NRXN1: variants seen among roughly 807,000 people sequenced by gnomAD.
NRXN1 encodes the protein neurexin-1.
Under a neutral mutation model 150.9 loss-of-function variants are expected in NRXN1, and 39 were observed. That is an observed-to-expected ratio of 0.26 (90% CI 0.20 to 0.34). The LOEUF (loss-of-function observed/expected upper bound fraction) is 0.34. Ranked by LOEUF, NRXN1 falls within the 10% of genes least tolerant of loss-of-function variation. The pLI, the probability that NRXN1 is intolerant of heterozygous loss-of-function variation, is 1.00. For synonymous variants in NRXN1, 924 were observed against 757.0 expected, an observed-to-expected ratio of 1.22 and a Z score of -3.62; for missense variants, 1,815 against 1,949.9, an observed-to-expected ratio of 0.93 and a Z score of 1.30.
chr2:50,129,108 T>C (rs936520891), intron 18 of NRXN1, among the ~76,000 whole-genome samples: 2 of 152,188 alleles, frequency 1.3e-5, no homozygotes, highest in Non-Finnish European at 2.9e-5. Flanking sequence ...TGCTGATCTC[T>C]TAGCTGATGC....
rs568985810 is a variant in NRXN1 at position 50,110,172 on chromosome 2, G to A, written c.3547-18678C>T. Among the ~76,000 whole-genome samples the A allele has an allele frequency of 5.3e-4, 81 of 152,192 alleles. 3 individuals carry two copies. Among genetic ancestry groups the A allele is most frequent in the African/African-American group, 1.9e-3 (77 of 41,524 alleles). On this transcript the variant is annotated intron_variant, in intron 18 of 22. Coordinates refer to ENST00000401669, the MANE Select transcript of NRXN1 (RefSeq NM_001330078.2). ...AATAGCCATAACCAAGAGAACATCA[G>A]CTATCCCTCCCTCCTCACTTAGAAA...
intron 19 of NRXN1, among the ~76,000 whole-genome samples, chr2:50,085,348 A>G (rs73932918): frequency 0.023 from 3,495 of 152,290 alleles, 136 homozygotes; most frequent in African/African-American, 0.079. Context: ...GGTTATTTAA[A>G]CAATAATTCA....
Position 50,496,118 on chromosome 2 carries a change from G to A in NRXN1, c.2880-23C>T, listed in dbSNP as rs553314456. 6.4e-6 allele frequency: 10 copies of A among 1,553,762 alleles called. 1 individual carries two copies. In the Admixed American group the frequency reaches 1.3e-4, roughly 21 times the overall value. On this transcript the variant is annotated intron_variant, in intron 14 of 22. Coordinates refer to ENST00000401669, the MANE Select transcript of NRXN1 (RefSeq NM_001330078.2). ...TACCTGGGAAAAAAATGAAAGAGGG[G>A]AAAGTGCCATCACTTTTTAAATTTT...
chr2:51,031,621 C>T (rs777198251), intron 1 of NRXN1, among the ~76,000 whole-genome samples: 5 of 152,198 alleles, frequency 3.3e-5, no homozygotes, highest in Non-Finnish European at 5.9e-5. Flanking sequence ...TCTTGGAGCT[C>T]GGGGTCTACT....
At chr2:50,315,576 T>C (rs910361618) in intron 17 of NRXN1, among the ~76,000 whole-genome samples, 5 of 152,066 alleles carry the variant, frequency 3.3e-5, no homozygotes, top group Non-Finnish European at 5.9e-5. Flanking sequence ...GTGATCCAAA[T>C]TGTCTCCTGT....
intron 21 of NRXN1, among the ~76,000 whole-genome samples, chr2:49,944,362 G>A (rs1183955243): frequency 6.6e-6 from 1 of 152,138 alleles, no homozygotes; most frequent in African/African-American, 2.4e-5. Context: ...TTTTCATTAT[G>A]ATTTCACACT....
At chr2:50,271,101 A>T (rs1052837247) in intron 17 of NRXN1, among the ~76,000 whole-genome samples, 2 of 152,218 alleles carry the variant, frequency 1.3e-5, no homozygotes, top group African/African-American at 4.8e-5. Context: ...AGTGTTACTC[A>T]TAAGTAATAT....
intron 8 of NRXN1, among the ~76,000 whole-genome samples, chr2:50,596,863 CTTTTTTT>C (rs3053104): frequency 7.6e-5 from 7 of 92,180 alleles, no homozygotes; most frequent in Admixed American, 5.3e-4. Flanking sequence ...ATTCCTAGGA[CTTTTTTT>C]TTTTTTTTTT....
chr2:50,635,383 T>C (rs1376626160), intron 5 of NRXN1, among the ~76,000 whole-genome samples: 10 of 150,826 alleles, frequency 6.6e-5, no homozygotes, highest in Non-Finnish European at 1.3e-4. Context: ...GCCAGGATGG[T>C]CTCGATCTCC....
intron 5 of NRXN1, among the ~76,000 whole-genome samples, chr2:50,887,721 T>C: frequency 6.6e-6 from 1 of 151,452 alleles, no homozygotes; most frequent in East Asian, 1.9e-4. Flanking sequence ...TTAATTTTTC[T>C]ATCGTGTTTC....
At chr2:50,596,645 G>A (rs1005730218) in intron 8 of NRXN1, among the ~76,000 whole-genome samples, 3 of 152,062 alleles carry the variant, frequency 2.0e-5, no homozygotes, top group African/African-American at 2.4e-5. Flanking sequence ...GCTCAGCCAG[G>A]TCAAAACTAC....
intron 8 of NRXN1, among the ~76,000 whole-genome samples, chr2:50,577,599 A>G (rs961079125): frequency 6.6e-6 from 1 of 152,116 alleles, no homozygotes; most frequent in Non-Finnish European, 1.5e-5. Context: ...AAAAATGCCA[A>G]TAAAGGAGAA....
At chr2:50,277,558 CTTTCTT>C (rs1431343343) in intron 17 of NRXN1, among the ~76,000 whole-genome samples, 3 of 48,904 alleles carry the variant, frequency 6.1e-5, no homozygotes, top group Admixed American at 2.1e-4. Flanking sequence ...CCCTCTTTCT[CTTTCTT>C]TCTTTCTTAG....
rs563376643 is a variant in NRXN1 at position 50,980,788 on chromosome 2, T to C, written c.772+46714A>G. ...TTAAACCTATCATTCCAGAGAGTTT[T>C]CCTGCCTTTTGTTATAAATGTATTT... On this transcript the variant is annotated intron_variant, in intron 2 of 22. Coordinates refer to ENST00000401669, the MANE Select transcript of NRXN1 (RefSeq NM_001330078.2). 3.4e-3 allele frequency among the ~76,000 whole-genome samples: 518 copies of C among 152,258 alleles called. 1 individual carries two copies. The highest frequency in any genetic ancestry group is 0.011 in the African/African-American group (472 of 41,566).
intron 21 of NRXN1, among the ~76,000 whole-genome samples, chr2:49,994,489 T>C (rs376898690): frequency 7.2e-5 from 11 of 152,286 alleles, no homozygotes; most frequent in African/African-American, 2.4e-4. Context: ...AAATAATTTA[T>C]TGCATTCTAC....
chr2:50,812,424 C>A (rs531326315), intron 5 of NRXN1, among the ~76,000 whole-genome samples: 1 of 152,002 alleles, frequency 6.6e-6, no homozygotes, highest in Non-Finnish European at 1.5e-5. Context: ...AAATTACAGA[C>A]GACAAGCATT....
intron 5 of NRXN1, among the ~76,000 whole-genome samples, chr2:50,835,858 T>C (rs1421547021): frequency 6.6e-6 from 1 of 152,186 alleles, no homozygotes; most frequent in Admixed American, 6.5e-5. Context: ...AACTAGGTTG[T>C]CTTGGGCAAG....
intron 5 of NRXN1, among the ~76,000 whole-genome samples, chr2:50,804,514 T>G (rs1026103408): frequency 6.6e-6 from 1 of 152,190 alleles, no homozygotes; most frequent in African/African-American, 2.4e-5. Context: ...AATCTGAAAC[T>G]TTTTCAAATA....
intron 5 of NRXN1, among the ~76,000 whole-genome samples, chr2:50,830,382 C>A (rs72889468): frequency 0.027 from 4,060 of 151,878 alleles, 204 homozygotes; most frequent in African/African-American, 0.093. Flanking sequence ...CGACATGACA[C>A]AGGGATTTTA....
Sources: allele counts gnomAD v4.1 joint callset (sites outside exome capture counted in the v4.1 genomes callset), GRCh38; gene constraint gnomAD v4.1.1; transcripts MANE v1.5; gene names NCBI Gene and HGNC (gene_info 2026-07-23, HGNC 2026-07-21).